The following GLIS3 variants were observed in gnomAD, a reference collection of about 807,000 sequenced individuals.
The protein encoded by GLIS3 is GLIS family zinc finger 3.
In GLIS3, 53 loss-of-function variants were observed where a neutral mutation model predicts 78.6. The ratio of observed to expected loss-of-function variants is 0.67; its 90% CI spans 0.54 to 0.85. The LOEUF (loss-of-function observed/expected upper bound fraction) is 0.85, where lower values mean the gene tolerates loss of function less well. Ranked by LOEUF, GLIS3 falls within the 40% of genes least tolerant of loss-of-function variation. The probability of loss-of-function intolerance (pLI) is 0.00; values close to 1 mark genes in which losing one functional copy is unlikely to be tolerated. For missense variants in GLIS3, 1,703 were observed against 1,231.1 expected (o/e 1.38, Z -5.74); for synonymous variants, 684 against 509.9 (o/e 1.34, Z -4.60).
chr9:4,448,579 G>A, the GLIS3 span, among the ~76,000 whole-genome samples: 1 of 152,200 alleles, frequency 6.6e-6, no homozygotes, highest in Non-Finnish European at 1.5e-5. Flanking sequence ...CCAGCTTCTT[G>A]TGGGCATGCT....
chr9:4,110,586 C>T (rs962186107), intron 4 of GLIS3, among the ~76,000 whole-genome samples: 3 of 152,128 alleles, frequency 2.0e-5, no homozygotes, highest in East Asian at 1.9e-4. Context: ...CCTATATGAG[C>T]GATGACACCT....
chr9:4,247,493 C>G (rs1327143302), intron 2 of GLIS3, among the ~76,000 whole-genome samples: 3 of 152,090 alleles, frequency 2.0e-5, no homozygotes, highest in Admixed American at 6.6e-5. Flanking sequence ...CAAATTTGCG[C>G]ATATGTTCTG....
At chr9:3,862,662 TG>T (rs1364491571) in intron 8 of GLIS3, among the ~76,000 whole-genome samples, 1 of 152,122 alleles carries the variant, frequency 6.6e-6, no homozygotes, top group African/African-American at 2.4e-5. Flanking sequence ...AGCACTGCTT[TG>T]GGGGTTAACA....
chr9:3,884,726 T>C (rs956350500), intron 7 of GLIS3, among the ~76,000 whole-genome samples: 1 of 152,186 alleles, frequency 6.6e-6, no homozygotes, highest in South Asian at 2.1e-4. Flanking sequence ...AGGCCTCTTC[T>C]GGTTCCTGGT....
intron 4 of GLIS3, among the ~76,000 whole-genome samples, chr9:3,953,821 A>ATC (rs1563886816): frequency 2.7e-3 from 378 of 142,038 alleles, no homozygotes; most frequent in African/African-American, 9.4e-3. Context: ...ATATATATAT[A>ATC]TCTTCTCCAT....
intron 4 of GLIS3, among the ~76,000 whole-genome samples, chr9:4,049,144 A>T (rs555651658): frequency 6.6e-6 from 1 of 152,302 alleles, no homozygotes; most frequent in South Asian, 2.1e-4. Flanking sequence ...CACATCTAAT[A>T]ACAACAACAG....
the GLIS3 span, among the ~76,000 whole-genome samples, chr9:4,361,515 T>G: frequency 6.6e-6 from 1 of 152,204 alleles, no homozygotes; most frequent in Non-Finnish European, 1.5e-5. Flanking sequence ...TCAATAGTGT[T>G]CTGCATGCAA....
chr9:4,139,661 A>G (rs1833659839), intron 2 of GLIS3, among the ~76,000 whole-genome samples: 1 of 146,546 alleles, frequency 6.8e-6, no homozygotes, highest in Non-Finnish European at 1.5e-5. Context: ...CATGGAAAGC[A>G]TGGAAGGGGT....
chr9:4,120,267 T>G (rs1420297649), intron 3 of GLIS3, among the ~76,000 whole-genome samples: 1 of 152,150 alleles, frequency 6.6e-6, no homozygotes, highest in Non-Finnish European at 1.5e-5. Context: ...AAGAAAAACA[T>G]CTCAGCTCCA....
chr9:4,405,380 A>G, the GLIS3 span, among the ~76,000 whole-genome samples: 2 of 151,644 alleles, frequency 1.3e-5, no homozygotes, highest in Non-Finnish European at 2.9e-5. Context: ...AGAAAAAGAA[A>G]AAAGAAAAAA....
chr9:3,858,517 C>A (rs955630862), intron 8 of GLIS3, among the ~76,000 whole-genome samples: 2 of 151,990 alleles, frequency 1.3e-5, no homozygotes, highest in African/African-American at 4.8e-5. Context: ...TCAACTGACT[C>A]AAGATTTTGC....
At chr9:4,228,659 T>G (rs1381542211) in intron 2 of GLIS3, among the ~76,000 whole-genome samples, 2 of 152,254 alleles carry the variant, frequency 1.3e-5, no homozygotes, top group African/African-American at 4.8e-5. Context: ...TGTATCCATG[T>G]GCAAGCCTCT....
intron 4 of GLIS3, among the ~76,000 whole-genome samples, chr9:4,055,799 G>A (rs187151835): frequency 1.0e-3 from 154 of 152,326 alleles, no homozygotes; most frequent in African/African-American, 3.5e-3. Context: ...TTCATTGGAG[G>A]GATGTAAAGG....
chr9:4,474,994 TC>T, the GLIS3 span, among the ~76,000 whole-genome samples: 7,743 of 72,430 alleles, frequency 0.11, 848 homozygotes, highest in Non-Finnish European at 0.19. Flanking sequence ...AATTTTTTTT[TC>T]TTTTTTTTTT....
At chr9:4,196,814 C>G (rs533024189) in intron 2 of GLIS3, among the ~76,000 whole-genome samples, 1 of 152,170 alleles carries the variant, frequency 6.6e-6, no homozygotes, top group African/African-American at 2.4e-5. Context: ...ACTACAGTTT[C>G]TACCACACAA....
chr9:4,401,331 C>G, the GLIS3 span, among the ~76,000 whole-genome samples: 8 of 152,180 alleles, frequency 5.3e-5, no homozygotes, highest in East Asian at 1.5e-3. Flanking sequence ...GTGATCTCAG[C>G]TCACAGCAAC....
chr9:4,460,000 T>C, the GLIS3 span, among the ~76,000 whole-genome samples: 1 of 152,158 alleles, frequency 6.6e-6, no homozygotes, highest in Non-Finnish European at 1.5e-5. Flanking sequence ...AGAGGCACAC[T>C]CTAAAAGTTT....
chr9:4,265,381 G>A (rs1825898040), intron 2 of GLIS3, among the ~76,000 whole-genome samples: 1 of 144,860 alleles, frequency 6.9e-6, no homozygotes, highest in Non-Finnish European at 1.5e-5. Flanking sequence ...CTATGAGGTA[G>A]GTACAGATAT....
intron 4 of GLIS3, among the ~76,000 whole-genome samples, chr9:4,050,326 T>A (rs1825641027): frequency 6.6e-6 from 1 of 152,142 alleles, no homozygotes; most frequent in African/African-American, 2.4e-5. Context: ...AAACCATTAT[T>A]CTCAGTAAAC....
Sources: allele counts gnomAD v4.1 joint callset (sites outside exome capture counted in the v4.1 genomes callset), GRCh38; gene constraint gnomAD v4.1.1; transcripts MANE v1.5; gene names NCBI Gene and HGNC (gene_info 2026-07-23, HGNC 2026-07-21).